Variants in N4BP1 observed in about 807,000 individuals in gnomAD.
The protein encoded by N4BP1 is NEDD4-binding protein 1.
N4BP1 carries 21 observed loss-of-function variants against 70.9 expected under a neutral mutation model. That is an observed-to-expected ratio of 0.30 (90% CI 0.21 to 0.43). The LOEUF (loss-of-function observed/expected upper bound fraction) is 0.43. Ranked by LOEUF, N4BP1 falls within the 20% of genes least tolerant of loss-of-function variation. The pLI, the probability that N4BP1 is intolerant of heterozygous loss-of-function variation, is 1.00. For synonymous variants in N4BP1, 387 were observed against 394.6 expected (o/e 0.98, Z 0.23); for missense variants, 936 against 1,069.4 (o/e 0.88, Z 1.74).
intron 1 of N4BP1, among the ~76,000 whole-genome samples, chr16:48,575,469 T>G (rs1964079018): frequency 6.6e-6 from 1 of 152,224 alleles, no homozygotes; most frequent in Admixed American, 6.5e-5. Context: ...TCAGTTTTTC[T>G]CAACTCTATC....
chr16:48,545,107 G>A (rs1006437890), intron 6 of N4BP1, among the ~76,000 whole-genome samples: 4 of 151,982 alleles, frequency 2.6e-5, no homozygotes, highest in Non-Finnish European at 5.9e-5. Context: ...TGGGATTACA[G>A]GCACGCACCA....
chr16:48,570,154 G>GA (rs1433115261), intron 1 of N4BP1, among the ~76,000 whole-genome samples: 2 of 101,750 alleles, frequency 2.0e-5, no homozygotes, highest in South Asian at 3.7e-4. Context: ...GAATAAAGAA[G>GA]AAAAAAAAGG....
rs750355255 is a variant in N4BP1 at position 48,594,001 on chromosome 16, C to CAAAAAAAAAAAAAAAAAA, written c.198+15773_198+15774insTTTTTTTTTTTTTTTTTT. ...TGGGTGCCAGAGCAAGACTCCGTCT[C>CAAAAAAAAAAAAAAAAAA]AAAAAAAAAAAAAAAAACAAAAAAA... On this transcript the variant is annotated intron_variant, in intron 1 of 6. Coordinates refer to ENST00000262384, the MANE Select transcript of N4BP1 (RefSeq NM_153029.4). Among the ~76,000 whole-genome samples the CAAAAAAAAAAAAAAAAAA allele has an allele frequency of 1.6e-4, 7 of 42,526 alleles. 1 individual carries two copies. The highest frequency in any genetic ancestry group is 3.5e-4 in the African/African-American group (4 of 11,342). The allele number at this position is 42,526 out of a possible 152,430, so 27.9% of individuals were successfully genotyped here.
chr16:48,583,013 T>C (rs1964195948), intron 1 of N4BP1, among the ~76,000 whole-genome samples: 1 of 152,142 alleles, frequency 6.6e-6, no homozygotes, highest in African/African-American at 2.4e-5. Context: ...TTGAGCCCAG[T>C]AATTTGAGGC....
In N4BP1 at chr16:48,542,671, G is replaced by A. The variant is rs1963520479; in HGVS notation, c.*233C>T. The A allele has an allele frequency of 2.4e-6, 1 of 413,986 alleles. No homozygotes were observed. Among genetic ancestry groups the A allele is most frequent in the East Asian group, 3.6e-5 (1 of 27,616 alleles). 25.6% of individuals were successfully genotyped at this position (413,986 alleles called of 1,614,324 possible). A position where few individuals can be genotyped will look rare whatever the true frequency, so the allele number is the denominator to read the frequency against. On this transcript the variant is annotated 3_prime_UTR_variant, in exon 7 of 7. Transcript: ENST00000262384. ...AAACAGTTCTGAACAGGCAGAAAAT[G>A]TAGACTTTCCTTTAACAGAAAATGT...
At chr16:48,551,211 G>A (rs556072032) in intron 4 of N4BP1, among the ~76,000 whole-genome samples, 175 bp downstream of exon 4, 3 of 152,218 alleles carry the variant, frequency 2.0e-5, no homozygotes, top group East Asian at 1.9e-4. Flanking sequence ...TTTCTTCTGT[G>A]GTGTTTCTAA....
At chr16:48,596,261 T>C (rs1250847009) in intron 1 of N4BP1, among the ~76,000 whole-genome samples, 1 of 152,248 alleles carries the variant, frequency 6.6e-6, no homozygotes, top group African/African-American at 2.4e-5. Flanking sequence ...AATTAATGCT[T>C]AACTGGAATT....
chr16:48,601,657 A>C (rs1964501729), intron 1 of N4BP1, among the ~76,000 whole-genome samples: 1 of 152,044 alleles, frequency 6.6e-6, no homozygotes, highest in Non-Finnish European at 1.5e-5. Flanking sequence ...CAGCACTAAG[A>C]CTGAACAAAA....
At chr16:48,552,848 A>T (rs569921691) in intron 3 of N4BP1, among the ~76,000 whole-genome samples, 1 of 151,402 alleles carries the variant, frequency 6.6e-6, no homozygotes, top group Non-Finnish European at 1.5e-5. Flanking sequence ...GGAAGTTGGG[A>T]ATACTTGGGA....
At chr16:48,553,492 C>A in intron 3 of N4BP1, 47 bp downstream of exon 3, 2 of 1,493,508 alleles carry the variant, frequency 1.3e-6, no homozygotes, top group Non-Finnish European at 1.8e-6. Flanking sequence ...TATAAGCCAA[C>A]TCATTAAACA....
At position 48,609,797 on chromosome 16, in the gene N4BP1, T is replaced by A. The variant is rs1005678486; in HGVS notation, c.176A>T (p.Gln59Leu). 6.8e-7 allele frequency: 1 copy of A among 1,465,672 alleles called. No homozygotes were observed. Among genetic ancestry groups the A allele is most frequent in the East Asian group, 3.0e-5 (1 of 33,190 alleles). 90.8% of individuals were successfully genotyped at this position (1,465,672 alleles called of 1,614,324 possible). ...ARIWLQLCGA[Q>L]EAVHSAKEYI... is the part of the protein sequence containing the mutation. ...CACCTTGGCGCTGTGCACCGCCTCC[T>A]GCGCCCCGCAGAGCTGCAGCCAGAT... Residue 59 changes from glutamine (Q) to leucine (L), a missense_variant, in exon 1 of 7, where the codon CAG (glutamine) becomes CTG (leucine). By Grantham distance (113) the Gln-to-Leu change is moderately radical (BLOSUM62 -2). Coordinates refer to ENST00000262384, the MANE Select transcript of N4BP1 (RefSeq NM_153029.4).
intron 1 of N4BP1, among the ~76,000 whole-genome samples, chr16:48,563,993 T>C (rs764236020): frequency 2.6e-5 from 4 of 152,236 alleles, no homozygotes; most frequent in Admixed American, 2.0e-4. Context: ...CACTAGAATT[T>C]ATTCTCCCCA....
chr16:48,609,856 G>C lies in N4BP1; in HGVS notation c.117C>G (p.Gly39=). Residue 39 remains glycine, a synonymous_variant, in exon 1 of 7, where the codon GGC becomes GGG. Transcript: ENST00000262384. Reference sequence around the variant, plus strand: ...GCAGCGGCTCCTCAGCCCCTAGCGCGCCGAGCACGGCTAGGCTCACGCCAA... The same window carrying C: ...GCAGCGGCTCCTCAGCCCCTAGCGCCCCGAGCACGGCTAGGCTCACGCCAA... ...GLFGVSLAVL[G]ALGAEEPLPA... 1 of 1,490,090 alleles carries C rather than the reference G, an allele frequency of 6.7e-7. No homozygotes were observed. Among genetic ancestry groups the C allele is most frequent in the Non-Finnish European group, 8.9e-7 (1 of 1,124,464 alleles). 92.3% of individuals were successfully genotyped at this position (1,490,090 alleles called of 1,614,324 possible). A position where few individuals can be genotyped will look rare whatever the true frequency, so the allele number is the denominator to read the frequency against.
Position 48,561,876 on chromosome 16 carries a change from G to A in N4BP1, c.767C>T (p.Ser256Phe), listed in dbSNP as rs1963863592. The stretch of plus-strand genomic sequence containing the variant: ...ATCAAAAAGCACATCTGGTGAGCTA[G>A]AAAGGACTGTGTCCATTTGTTTTGT... Reference protein sequence around the residue: ...ELTKQMDTVLSSSPDVLFDPI... With the variant: ...ELTKQMDTVLFSSPDVLFDPI... Residue 256 changes from serine (S) to phenylalanine (F), a missense_variant, in exon 2 of 7, where the codon TCT (serine) becomes TTT (phenylalanine). Physicochemically the swap from Ser to Phe is radical, Grantham distance 155. Transcript: ENST00000262384. 5 of 1,613,920 alleles carry A rather than the reference G, an allele frequency of 3.1e-6. No individual in the cohort carries two copies. The highest frequency in any genetic ancestry group is 4.2e-6 in the Non-Finnish European group (5 of 1,179,886).
intron 1 of N4BP1, among the ~76,000 whole-genome samples, chr16:48,584,686 G>C (rs920675340): frequency 6.6e-6 from 1 of 151,882 alleles, no homozygotes; most frequent in African/African-American, 2.4e-5. Flanking sequence ...GAGGCAGGAG[G>C]ATCATTTGAG....
chr16:48,569,403 T>C (rs1237513054), intron 1 of N4BP1, among the ~76,000 whole-genome samples: 2 of 152,064 alleles, frequency 1.3e-5, no homozygotes, highest in Non-Finnish European at 2.9e-5. Flanking sequence ...ATTTAATTTT[T>C]ATTTTTGAGA....
At chr16:48,551,308 TG>T in intron 4 of N4BP1, 77 bp downstream of exon 4, 1 of 1,018,636 alleles carries the variant, frequency 9.8e-7, no homozygotes, top group Non-Finnish European at 1.5e-6. Flanking sequence ...TCTAAAAGTG[TG>T]GACCTGTCCA....
At chr16:48,594,094 A>C (rs973326649) in intron 1 of N4BP1, among the ~76,000 whole-genome samples, 4 of 152,072 alleles carry the variant, frequency 2.6e-5, no homozygotes, top group African/African-American at 9.7e-5. Context: ...TCTCTTTTGA[A>C]AAGAATTTTC....
chr16:48,588,087 A>T lies in N4BP1; in HGVS notation c.198+21688T>A, dbSNP rs573804813. On this transcript the variant is annotated intron_variant, in intron 1 of 6. Transcript: ENST00000262384. ...AAATGCAATATAAGATTTCTTATGA[A>T]ATTTCCTGAGGATAATTCTCTACCC... Among the ~76,000 whole-genome samples the T allele has an allele frequency of 9.9e-4, 151 of 152,266 alleles. 1 individual carries two copies. The highest frequency in any genetic ancestry group is 1.6e-3 in the Non-Finnish European group (110 of 68,026).
Sources: allele counts gnomAD v4.1 joint callset (sites outside exome capture counted in the v4.1 genomes callset), GRCh38; gene constraint gnomAD v4.1.1; transcripts MANE v1.5; gene names NCBI Gene and HGNC (gene_info 2026-07-23, HGNC 2026-07-21).